HK2: variants seen among roughly 807,000 people sequenced by gnomAD.
HK2 encodes hexokinase 2, also known as hexokinase-2.
In HK2, 42 loss-of-function variants were observed where a neutral mutation model predicts 92.9. The ratio of observed to expected loss-of-function variants is 0.45; its 90% CI spans 0.35 to 0.58. The LOEUF (loss-of-function observed/expected upper bound fraction) is 0.58, where lower values mean the gene tolerates loss of function less well. HK2 is among the 20% of genes least tolerant of loss of function. The pLI is 0.00. For missense variants in HK2, 978 were observed against 1,245.1 expected, an observed-to-expected ratio of 0.79 and a Z score of 3.23; for synonymous variants, 422 against 468.0, an observed-to-expected ratio of 0.90 and a Z score of 1.27.
In HK2 at chr2:74,873,268, C is replaced by G; in HGVS notation, c.496-8C>G. On this transcript the variant is annotated splice_region_variant and splice_polypyrimidine_tract_variant and intron_variant, in intron 4 of 17. Transcript: ENST00000290573. ...GAAATCAATATTCACTTCTTGGTCC[C>G]TTTCCAGAGTTTCCTGGTCTCATGG... is the stretch of plus-strand genomic sequence containing the variant. 6.2e-7 allele frequency: 1 copy of G among 1,607,744 alleles called. No individual in the cohort carries two copies. Among genetic ancestry groups the G allele is most frequent in the East Asian group, 2.2e-5 (1 of 44,848 alleles).
At chr2:74,881,939 A>G (rs761690386) in intron 11 of HK2, 80 bp downstream of exon 11, 18 of 1,542,326 alleles carry the variant, frequency 1.2e-5, no homozygotes, top group South Asian at 4.5e-5. Context: ...TTCTCTGCTC[A>G]TCTGTGACCC....
At chr2:74,888,156 C>T in intron 16 of HK2, 98 bp downstream of exon 16, 1 of 1,337,542 alleles carries the variant, frequency 7.5e-7, no homozygotes, top group Non-Finnish European at 1.1e-6. Context: ...ATGACTCATA[C>T]AAAAGTCAGT....
At chr2:74,865,648 GCCCGCAGCTGTAGCTAGTGGTGGGGC>G (rs1688928030) in intron 2 of HK2, among the ~76,000 whole-genome samples, 1 of 152,114 alleles carries the variant, frequency 6.6e-6, no homozygotes, top group Non-Finnish European at 1.5e-5. Context: ...GCTGTAGCTA[GCCCGCAGCTGTAGCTAGTGGTGGGGC>G]CACCTCTAGT....
In HK2 at chr2:74,873,390, G is replaced by C. The variant is rs751720115; in HGVS notation, c.591+19G>C. 6.3e-6 allele frequency: 10 copies of C among 1,579,086 alleles called. No homozygotes were observed. The highest frequency in any genetic ancestry group is 8.7e-6 in the Non-Finnish European group (10 of 1,148,200). ...GAGAGGGGTGAGTGGGGTGGCAGGA[G>C]CTTGGGGTCTGTGGGCTTTTCTGGG... On this transcript the variant is annotated intron_variant, in intron 5 of 17. Transcript: ENST00000290573.
intron 8 of HK2, among the ~76,000 whole-genome samples, chr2:74,877,955 A>AG (rs1689274884): frequency 6.6e-6 from 1 of 152,104 alleles, no homozygotes; most frequent in Non-Finnish European, 1.5e-5. Context: ...GATGGTGGAG[A>AG]GGAGGTGTCT....
chr2:74,857,562 C>T (rs1337509020), intron 2 of HK2, among the ~76,000 whole-genome samples: 1 of 152,160 alleles, frequency 6.6e-6, no homozygotes, highest in Non-Finnish European at 1.5e-5. Context: ...GAATCAATCA[C>T]CTGAACCTGG....
intron 2 of HK2, among the ~76,000 whole-genome samples, chr2:74,865,619 C>T (rs1210046832): frequency 6.6e-6 from 1 of 152,082 alleles, no homozygotes; most frequent in Non-Finnish European, 1.5e-5. Context: ...GCAGGCTAAC[C>T]CCAGATGAGG....
intron 1 of HK2, among the ~76,000 whole-genome samples, chr2:74,849,394 C>CTCTT (rs113620281): frequency 1.2e-3 from 176 of 152,338 alleles, no homozygotes; most frequent in African/African-American, 4.1e-3. Context: ...ACAGTGCTAT[C>CTCTT]TCTGTCTAAC....
chr2:74,889,492 C>T lies in HK2; in HGVS notation c.2609+14C>T. 6.8e-7 allele frequency: 1 copy of T among 1,478,370 alleles called. No homozygotes were observed. The highest frequency in any genetic ancestry group is 9.4e-7 in the Non-Finnish European group (1 of 1,064,818). 91.6% of individuals were successfully genotyped at this position (1,478,370 alleles called of 1,614,324 possible). ...GCTACATCCTCAGTGAGTGCCTGAT[C>T]CCAGCCCCCCCTGCCTACCTTCTTT... On this transcript the variant is annotated intron_variant, in intron 17 of 17. Transcript: ENST00000290573.
intron 1 of HK2, among the ~76,000 whole-genome samples, chr2:74,837,093 T>C (rs899097184): frequency 2.6e-5 from 4 of 152,218 alleles, no homozygotes; most frequent in African/African-American, 9.6e-5. Flanking sequence ...CTGGCACTGT[T>C]CTAAGCTCTT....
At chr2:74,876,170 CAGTT>C (rs769757083) in intron 7 of HK2, among the ~76,000 whole-genome samples, 8 of 152,342 alleles carry the variant, frequency 5.3e-5, no homozygotes, top group Non-Finnish European at 7.3e-5. Context: ...TGCCAGCTCT[CAGTT>C]AGCCCTGATG....
intron 2 of HK2, among the ~76,000 whole-genome samples, chr2:74,854,837 T>C (rs1308857899): frequency 6.6e-6 from 1 of 152,232 alleles, no homozygotes; most frequent in Non-Finnish European, 1.5e-5. Flanking sequence ...GGAGCCGCTC[T>C]GTGGCTCACC....
chr2:74,857,435 C>T (rs1688720868), intron 2 of HK2, among the ~76,000 whole-genome samples: 1 of 152,202 alleles, frequency 6.6e-6, no homozygotes, highest in Non-Finnish European at 1.5e-5. Context: ...CCACTTCCAA[C>T]TATATGCCCT....
At chr2:74,876,169 T>A (rs1689227875) in intron 7 of HK2, among the ~76,000 whole-genome samples, 1 of 152,216 alleles carries the variant, frequency 6.6e-6, no homozygotes, top group Non-Finnish European at 1.5e-5. Flanking sequence ...TTGCCAGCTC[T>A]CAGTTAGCCC....
chr2:74,834,740 C>T lies in HK2; in HGVS notation c.63+97C>T, dbSNP rs572886561. ...GACCCTGCGGGGACCCGCTTCCTCC[C>T]TACTCCGGGCCTGGGAGCGGAAAAA... On this transcript the variant is annotated intron_variant, in intron 1 of 17. Coordinates refer to ENST00000290573, the MANE Select transcript of HK2 (RefSeq NM_000189.5). The surrounding 1 kb of genome is among the most constrained non-coding windows in gnomAD (Gnocchi z 4.2). 341 of 1,390,892 alleles carry T rather than the reference C, an allele frequency of 2.5e-4. No individual in the cohort carries two copies. The highest frequency in any genetic ancestry group is 1.1e-3 in the Admixed American group (65 of 58,914). The allele number at this position is 1,390,892 out of a possible 1,614,324, so 86.2% of individuals were successfully genotyped here.
chr2:74,881,005 G>A (rs1689377936), intron 10 of HK2, among the ~76,000 whole-genome samples: 1 of 152,226 alleles, frequency 6.6e-6, no homozygotes, highest in Non-Finnish European at 1.5e-5. Context: ...ATTGGTCTGA[G>A]TCAGGGTTGG....
rs1689672838 is a variant in HK2, at chr2:74,891,342, ATGT to A, written c.*406_*408del. 3.6e-6 allele frequency: 1 copy of A among 274,088 alleles called. No homozygotes were observed. Among genetic ancestry groups the A allele is most frequent in the Admixed American group, 5.0e-5 (1 of 20,066 alleles). 17.0% of individuals were successfully genotyped at this position (274,088 alleles called of 1,614,324 possible). ...AAGTGGGGTGCATCCCCCAGCACTG[ATGT>A]TGTTACTGATTCTCCTGTCAGAGAT... On this transcript the variant is annotated 3_prime_UTR_variant, in exon 18 of 18. Transcript: ENST00000290573.
chr2:74,860,675 A>G (rs2103910480), intron 2 of HK2, among the ~76,000 whole-genome samples: 1 of 152,250 alleles, frequency 6.6e-6, no homozygotes, highest in South Asian at 2.1e-4. Context: ...GTTTTTGGCT[A>G]TTTGAGTAAA....
intron 10 of HK2, 79 bp downstream of exon 10, chr2:74,880,648 A>G (rs1452512040): frequency 7.2e-6 from 10 of 1,389,642 alleles, no homozygotes; most frequent in Non-Finnish European, 1.0e-5. Context: ...ATCCCTTAGC[A>G]TTAGCATTGG....
Sources: gnomAD v4.1 joint callset for allele counts (sites outside exome capture counted in the v4.1 genomes callset) on GRCh38, gnomAD v4.1.1 for gene constraint, Gnocchi (gnomAD v3.1) non-coding constraint, MANE v1.5 for transcripts, NCBI Gene and HGNC (gene_info 2026-07-23, HGNC 2026-07-21) for gene names.